ZFHX3: variants seen among roughly 807,000 people sequenced by gnomAD.
ZFHX3 encodes the protein zinc finger homeobox 3.
In ZFHX3, 42 loss-of-function variants were observed where a neutral mutation model predicts 279.1. The ratio of observed to expected loss-of-function variants is 0.15; its 90% confidence interval spans 0.12 to 0.19. The LOEUF is 0.19. Ranked by LOEUF, ZFHX3 falls within the 10% of genes least tolerant of loss-of-function variation. ZFHX3 has a pLI of 1.00. For synonymous variants in ZFHX3, 2,293 were observed against 1,957.8 expected (o/e 1.17, Z -4.52); for missense variants, 4,981 against 4,754.0 (o/e 1.05, Z -1.40).
At chr16:73,156,130 G>A (rs1967076233) in intron 5 of ZFHX3, among the ~76,000 whole-genome samples, 1 of 150,996 alleles carries the variant, frequency 6.6e-6, no homozygotes, top group Admixed American at 6.6e-5. Context: ...TACTTGGGAG[G>A]CTGAGGCAAG....
chr16:73,671,948 T>C (rs762670632), intron 2 of ZFHX3, among the ~76,000 whole-genome samples: 4 of 152,024 alleles, frequency 2.6e-5, no homozygotes, highest in South Asian at 2.1e-4. Context: ...AAATGGCCCA[T>C]TGAAGAGTGT....
intron 5 of ZFHX3, among the ~76,000 whole-genome samples, chr16:73,161,882 G>T (rs1244631536): frequency 1.3e-5 from 2 of 152,276 alleles, no homozygotes; most frequent in Admixed American, 1.3e-4. Context: ...ACTCAGAATT[G>T]TGACTTTCAA....
chr16:73,062,332 A>G (rs936935946), upstream of ZFHX3: 1 of 152,192 alleles, frequency 6.6e-6, no homozygotes, highest in Non-Finnish European at 1.5e-5. Flanking sequence ...ATGTCTTTGC[A>G]TTTGTGTGAG....
At chr16:73,813,229 T>TTCTCTCTC (rs3082305) in intron 1 of ZFHX3, among the ~76,000 whole-genome samples, 1 of 147,628 alleles carries the variant, frequency 6.8e-6, no homozygotes, top group Non-Finnish European at 1.5e-5. Flanking sequence ...CTCTTTCTCT[T>TTCTCTCTC]TCTCTCTCTC....
intron 2 of ZFHX3, chr16:73,456,286 A>G (rs1383184629): frequency 6.6e-6 from 1 of 152,208 alleles, no homozygotes; most frequent in Non-Finnish European, 1.5e-5. Flanking sequence ...AGATTTCTCA[A>G]TTTGTAAAAA....
rs138869437 is a variant in ZFHX3 at position 73,675,766 on chromosome 16, A to G, written c.-1547+4414T>C. Among the ~76,000 whole-genome samples, 261 of 152,226 alleles carry G rather than the reference A, an allele frequency of 1.7e-3. No homozygotes were observed. In the Middle Eastern group the frequency reaches 0.034, roughly 20 times the overall value. ...CTGGCCAAAAATTCTGAGTTACACA[A>G]AAATAAAGTCTCACAAATATCTAGG... On this transcript the variant is annotated intron_variant, in intron 2 of 17. Transcript: ENST00000641206.
chr16:72,860,822 G>A (rs1249060870), intron 4 of ZFHX3, among the ~76,000 whole-genome samples: 1 of 152,204 alleles, frequency 6.6e-6, no homozygotes, highest in Non-Finnish European at 1.5e-5. Context: ...TTGGCTAAAT[G>A]CTCAGTCGTC....
At chr16:73,348,982 A>G (rs887077762) in intron 3 of ZFHX3, among the ~76,000 whole-genome samples, 2 of 152,238 alleles carry the variant, frequency 1.3e-5, no homozygotes, top group Non-Finnish European at 2.9e-5. Flanking sequence ...AATTTGGAGC[A>G]AGAATGGGGA....
chr16:72,822,474 A>G (rs56177959), intron 5 of ZFHX3, among the ~76,000 whole-genome samples: 5 of 152,328 alleles, frequency 3.3e-5, no homozygotes, highest in Non-Finnish European at 7.3e-5. Flanking sequence ...ATTGGACCCA[A>G]GAAGAATATG....
intron 2 of ZFHX3, among the ~76,000 whole-genome samples, chr16:73,619,688 C>A (rs540881491): frequency 3.3e-4 from 50 of 152,028 alleles, no homozygotes; most frequent in Admixed American, 1.9e-3. Flanking sequence ...GGCTTAAATG[C>A]AGACATTCTT....
intron 1 of ZFHX3, among the ~76,000 whole-genome samples, chr16:73,753,068 T>A (rs1423655426): frequency 6.6e-6 from 1 of 152,180 alleles, no homozygotes; most frequent in Admixed American, 6.5e-5. Context: ...CTGCTTAAAA[T>A]GACCCCTAAG....
intron 1 of ZFHX3, among the ~76,000 whole-genome samples, chr16:73,820,248 C>T (rs1960697684): frequency 6.6e-6 from 1 of 152,126 alleles, no homozygotes; most frequent in Non-Finnish European, 1.5e-5. Context: ...CACCACCACA[C>T]TTGGCTAATT....
chr16:73,530,173 G>C (rs1258784191), intron 2 of ZFHX3, among the ~76,000 whole-genome samples: 2 of 152,184 alleles, frequency 1.3e-5, no homozygotes, highest in African/African-American at 4.8e-5. Flanking sequence ...AGGCAAGAGA[G>C]AGAATGAGAA....
intron 1 of ZFHX3, among the ~76,000 whole-genome samples, chr16:73,727,665 G>C (rs568425152): frequency 8.5e-5 from 13 of 152,278 alleles, no homozygotes; most frequent in African/African-American, 3.1e-4. Context: ...CTAGGTATCT[G>C]ACTCCATCTC....
chr16:73,756,605 C>G (rs546607859), intron 1 of ZFHX3, among the ~76,000 whole-genome samples: 1 of 152,110 alleles, frequency 6.6e-6, no homozygotes, highest in South Asian at 2.1e-4. Flanking sequence ...TGCAACCCCT[C>G]GGCTGCACAA....
At chr16:73,787,923 A>G (rs1015536493) in intron 1 of ZFHX3, among the ~76,000 whole-genome samples, 5 of 151,908 alleles carry the variant, frequency 3.3e-5, no homozygotes, top group African/African-American at 1.2e-4. Flanking sequence ...TGTATCGGTC[A>G]GGGCCCAGCA....
In ZFHX3 at chr16:73,750,232, T is replaced by C. The variant is rs1191404224; in HGVS notation, c.-1607-69992A>G. ...AGGCTGGATGGATCTTTTTGTATCG[T>C]CCCAGGAAGAAAAAAACAGATCCTA... On this transcript the variant is annotated intron_variant, in intron 1 of 17. Transcript: ENST00000641206. Among the ~76,000 whole-genome samples the C allele has an allele frequency of 2.0e-5, 3 of 152,066 alleles. No homozygotes were observed. In the East Asian group the frequency reaches 5.8e-4, roughly 29 times the overall value.
chr16:73,770,011 A>C (rs573666373), intron 1 of ZFHX3, among the ~76,000 whole-genome samples: 3 of 152,360 alleles, frequency 2.0e-5, no homozygotes, highest in Non-Finnish European at 4.4e-5. Flanking sequence ...GGTCGGCAGA[A>C]TAATGGTCCC....
At chr16:73,600,658 G>A (rs1238310086) in intron 2 of ZFHX3, among the ~76,000 whole-genome samples, 1 of 152,022 alleles carries the variant, frequency 6.6e-6, no homozygotes, top group Non-Finnish European at 1.5e-5. Context: ...TTGACCTCGT[G>A]ATCCGCCCGC....
Sources: gnomAD v4.1 joint callset for allele counts (sites outside exome capture counted in the v4.1 genomes callset) on GRCh38, gnomAD v4.1.1 for gene constraint, MANE v1.5 for transcripts, NCBI Gene and HGNC (gene_info 2026-07-23, HGNC 2026-07-21) for gene names.